The following GREM2 variants were observed in gnomAD, a reference collection of about 807,000 sequenced individuals.
GREM2 encodes gremlin-2.
Under a neutral mutation model 14.2 loss-of-function variants are expected in GREM2, and 11 were observed. The ratio of observed to expected loss-of-function variants is 0.78; its 90% CI spans 0.49 to 1.28. The LOEUF is 1.28. Ranked by LOEUF, GREM2 falls within the 50% of genes most tolerant of loss-of-function variation. GREM2 has a pLI of 0.00. For synonymous variants in GREM2, 98 were observed against 97.6 expected, an observed-to-expected ratio of 1.00 and a Z score of -0.02; for missense variants, 210 against 218.5, an observed-to-expected ratio of 0.96 and a Z score of 0.24.
At chr1:240,589,220 GAGGTCA>G (rs1239146533) in intron 1 of GREM2, 2 of 152,252 alleles carry the variant, frequency 1.3e-5, no homozygotes, top group Non-Finnish European at 2.9e-5. Context: ...CAGATGACCT[GAGGTCA>G]AGAGTTAAAG....
intron 1 of GREM2, among the ~76,000 whole-genome samples, chr1:240,559,695 A>G (rs184463430): frequency 6.6e-6 from 1 of 152,142 alleles, no homozygotes; most frequent in Admixed American, 6.5e-5. Context: ...GCAAATAAAT[A>G]TTTCCAAAAT....
intron 1 of GREM2, among the ~76,000 whole-genome samples, chr1:240,508,813 G>C (rs977466205): frequency 6.6e-6 from 1 of 152,132 alleles, no homozygotes; most frequent in African/African-American, 2.4e-5. Context: ...CCAGGTCCAC[G>C]TACTTCCAGA....
chr1:240,504,422 G>A (rs1677637454), intron 1 of GREM2, among the ~76,000 whole-genome samples: 1 of 152,122 alleles, frequency 6.6e-6, no homozygotes, highest in South Asian at 2.1e-4. Flanking sequence ...GTAGTTTTAG[G>A]GGAATCAATA....
At chr1:240,529,808 C>G (rs1258268435) in intron 1 of GREM2, among the ~76,000 whole-genome samples, 2 of 152,106 alleles carry the variant, frequency 1.3e-5, no homozygotes, top group Non-Finnish European at 2.9e-5. Context: ...CCTTTAGATT[C>G]CCAGGTTTAT....
At chr1:240,598,378 C>T (rs2102868924) in intron 1 of GREM2, among the ~76,000 whole-genome samples, 1 of 152,220 alleles carries the variant, frequency 6.6e-6, no homozygotes, top group South Asian at 2.1e-4. Flanking sequence ...TGTACAATCA[C>T]TATAAAAGGA....
intron 1 of GREM2, chr1:240,530,461 C>T (rs1678328431): frequency 6.6e-6 from 1 of 152,204 alleles, no homozygotes; most frequent in Admixed American, 6.5e-5. Flanking sequence ...TTCTACACAC[C>T]TAGCTCTCAA....
intron 1 of GREM2, among the ~76,000 whole-genome samples, chr1:240,575,524 A>ATT (rs200664832): frequency 7.1e-6 from 1 of 139,952 alleles, no homozygotes; most frequent in African/African-American, 2.7e-5. Context: ...TTTAATTTTA[A>ATT]TTTTATTTTT....
At chr1:240,611,380 T>G (rs1322757756) in intron 1 of GREM2, among the ~76,000 whole-genome samples, 1 of 152,168 alleles carries the variant, frequency 6.6e-6, no homozygotes, top group Non-Finnish European at 1.5e-5. Context: ...ATAGTGATAT[T>G]TCCCTCATGA....
intron 1 of GREM2, among the ~76,000 whole-genome samples, chr1:240,538,767 T>C (rs1369491853): frequency 6.6e-6 from 1 of 152,138 alleles, no homozygotes; most frequent in East Asian, 1.9e-4. Flanking sequence ...CCATGTTTGG[T>C]AAACTGTATG....
At chr1:240,494,532 T>C (rs1236600720) in intron 1 of GREM2, among the ~76,000 whole-genome samples, 1 of 152,222 alleles carries the variant, frequency 6.6e-6, no homozygotes, top group Non-Finnish European at 1.5e-5. Context: ...TTATTACATA[T>C]GAATAATAAC....
At chr1:240,559,069 T>C (rs1217282745) in intron 1 of GREM2, among the ~76,000 whole-genome samples, 1 of 152,114 alleles carries the variant, frequency 6.6e-6, no homozygotes, top group African/African-American at 2.4e-5. Context: ...GGGTATTCTT[T>C]GTTAGTATAC....
Position 240,493,321 on chromosome 1 carries a change from A to G in GREM2, c.155T>C (p.Val52Ala). ...SERWQHQIKEVLASSQEALVV... is the reference protein window; with the variant it reads ...SERWQHQIKEALASSQEALVV... Reference sequence around the variant, plus strand: ...CAGGGCCTCCTGGCTGGAGGCCAGCACCTCCTTGATCTGGTGCTGCCATCT... The same window carrying G: ...CAGGGCCTCCTGGCTGGAGGCCAGCGCCTCCTTGATCTGGTGCTGCCATCT... Residue 52 changes from valine to alanine, a missense_variant, in exon 2 of 2, where the codon GTG becomes GCG. Coordinates refer to ENST00000318160, the MANE Select transcript of GREM2 (RefSeq NM_022469.4). 1 of 1,613,710 alleles carries G rather than the reference A, an allele frequency of 6.2e-7. No homozygotes were observed. The highest frequency in any genetic ancestry group is 8.5e-7 in the Non-Finnish European group (1 of 1,179,938).
chr1:240,589,825 G>T (rs1431714723), intron 1 of GREM2, among the ~76,000 whole-genome samples: 1 of 152,200 alleles, frequency 6.6e-6, no homozygotes, highest in East Asian at 1.9e-4. Context: ...AGGAAGGAAA[G>T]AAAAATTCTG....
rs1680147846 is a variant in GREM2 at position 240,612,015 on chromosome 1, G to T, written c.-133C>A. The T allele has an allele frequency of 6.5e-6, 1 of 152,884 alleles. No individual in the cohort carries two copies. The highest frequency in any genetic ancestry group is 1.5e-5 in the Non-Finnish European group (1 of 68,174). The allele number at this position is 152,884 out of a possible 1,614,324, so 9.5% of individuals were successfully genotyped here. On this transcript the variant is annotated 5_prime_UTR_variant, in exon 1 of 2. Transcript: ENST00000318160. Reference sequence around the variant, plus strand: ...GGTCTCCCGCCGCCGCTTTCAGTTCGACCGCAGCCAGACTGCAGCAGACGC... The same window carrying T: ...GGTCTCCCGCCGCCGCTTTCAGTTCTACCGCAGCCAGACTGCAGCAGACGC...
rs1354537154 is a variant in GREM2, at chr1:240,493,192, C to A, written c.284G>T (p.Arg95Leu). The change falls in exon 2 of 2, where the codon CGC (arginine) becomes CTC (leucine). Residue 95 changes from arginine to leucine, a missense_variant. By Grantham distance (102) the Arg-to-Leu change is moderately radical. Transcript: ENST00000318160. ...EGCRSRTILN[R>L]FCYGQCNSFY... The stretch of plus-strand genomic sequence containing the variant: ...GGAGTTGCACTGGCCGTAGCAGAAG[C>A]GGTTGAGGATGGTGCGGCTCCGGCA... 1 of 1,614,144 alleles carries A rather than the reference C, an allele frequency of 6.2e-7. No individual in the cohort carries two copies. Among genetic ancestry groups the A allele is most frequent in the Admixed American group, 1.7e-5 (1 of 60,014 alleles).
chr1:240,577,581 G>T (rs1016928649), intron 1 of GREM2, among the ~76,000 whole-genome samples: 1 of 152,200 alleles, frequency 6.6e-6, no homozygotes, highest in African/African-American at 2.4e-5. Context: ...TCTGAACACA[G>T]TTCGGGTCTT....
intron 1 of GREM2, among the ~76,000 whole-genome samples, chr1:240,534,706 A>C (rs867341879): frequency 0.015 from 2,226 of 151,970 alleles, 50 homozygotes; most frequent in Non-Finnish European, 0.017. Flanking sequence ...AAAAAAAAAA[A>C]AAAAAAAATG....
At chr1:240,508,184 C>T (rs1677723978) in intron 1 of GREM2, among the ~76,000 whole-genome samples, 1 of 152,234 alleles carries the variant, frequency 6.6e-6, no homozygotes, top group Non-Finnish European at 1.5e-5. Context: ...TTTTGTTCAC[C>T]ACTGTATCTC....
At chr1:240,517,803 C>T (rs531783045) in intron 1 of GREM2, among the ~76,000 whole-genome samples, 1 of 152,304 alleles carries the variant, frequency 6.6e-6, no homozygotes, top group Admixed American at 6.5e-5. Flanking sequence ...CAGAACTCTC[C>T]TGGTCATCCT....
Sources: gnomAD v4.1 joint callset for allele counts (sites outside exome capture counted in the v4.1 genomes callset) on GRCh38, gnomAD v4.1.1 for gene constraint, MANE v1.5 for transcripts, NCBI Gene and HGNC (gene_info 2026-07-23, HGNC 2026-07-21) for gene names.